Variants in SETD1A observed in about 807,000 individuals in gnomAD.
SETD1A encodes histone-lysine N-methyltransferase SETD1A.
A neutral mutation model predicts 149.9 loss-of-function variants in SETD1A; 29 were observed. That is an observed-to-expected ratio of 0.19 (90% confidence interval 0.14 to 0.26). SETD1A has a LOEUF of 0.26. Among genes scored for constraint, SETD1A ranks in the 10% least tolerant of loss-of-function variants. The pLI is 1.00. For synonymous variants in SETD1A, 1,141 were observed against 968.5 expected, an observed-to-expected ratio of 1.18 and a Z score of -3.31; for missense variants, 2,109 against 2,353.1, an observed-to-expected ratio of 0.90 and a Z score of 2.15.
Position 30,969,340 on chromosome 16 carries a change from C to T in SETD1A, c.2806C>T (p.Arg936Cys), listed in dbSNP as rs542231802. The T allele has an allele frequency of 1.1e-5, 18 of 1,614,160 alleles. No individual in the cohort carries two copies. In the East Asian group the frequency reaches 1.8e-4, roughly 16 times the overall value. ...EQEKEAGEPG[R>C]PGTKPPKRDE... ...AGAGAAGGAGGCTGGAGAGCCAGGA[C>T]GTCCGGGGACCAAGCCCCCGAAGCG... is the stretch of plus-strand genomic sequence containing the variant. The change falls in exon 11 of 19, where the codon CGT becomes TGT. Residue 936 changes from arginine to cysteine, a missense_variant. This residue lies in a region of SETD1A where 832 missense variants were observed against 815.6 expected (regional missense o/e 1.02). Coordinates refer to ENST00000262519, the MANE Select transcript of SETD1A (RefSeq NM_014712.3).
chr16:30,964,526 A>G (rs2056106686), intron 6 of SETD1A, 86 bp from the exon 7 acceptor site: 2 of 1,549,840 alleles, frequency 1.3e-6, no homozygotes, highest in South Asian at 2.5e-5. Context: ...AGGGCAGCAT[A>G]GAGGGGCTTT....
rs570770215 is a variant in SETD1A at position 30,979,635 on chromosome 16, G to A, written c.3849G>A (p.Ser1283=). ...AVEDSEATET[S]DEAERPRPLL... ...AAGACTCAGAGGCCACAGAGACATC[G>A]GACGAGGCCGAGCGCCCTAGGCCCC... The change falls in exon 14 of 19, where the codon TCG becomes TCA. Residue 1283 remains serine (S), a synonymous_variant. Transcript: ENST00000262519. 9.3e-6 allele frequency: 15 copies of A among 1,610,468 alleles called. No homozygotes were observed. Among genetic ancestry groups the A allele is most frequent in the South Asian group, 7.7e-5 (7 of 91,080 alleles).
intron 17 of SETD1A, among the ~76,000 whole-genome samples, chr16:30,982,555 G>A (rs2056393353): frequency 6.6e-6 from 1 of 152,054 alleles, no homozygotes; most frequent in African/African-American, 2.4e-5. Context: ...CGTGTGGCTG[G>A]AGGGAACAGA....
At position 30,971,466 on chromosome 16, in the gene SETD1A, C is replaced by T. The variant is rs1410609544; in HGVS notation, c.3105C>T (p.Ser1035=). ...ATGACAGCACATCAGACTCCGAGAGCAGCAGCTCTTCCAGCTCCTCATCCT... is the reference window on the plus strand; with the variant it reads ...ATGACAGCACATCAGACTCCGAGAGTAGCAGCTCTTCCAGCTCCTCATCCT... ...GENDSTSDSE[S]SSSSSSSSSS... Residue 1035 remains serine, a synonymous_variant, in exon 13 of 19, where the codon AGC becomes AGT. Transcript: ENST00000262519. 2 of 1,614,044 alleles carry T rather than the reference C, an allele frequency of 1.2e-6. No homozygotes were observed. The highest frequency in any genetic ancestry group is 1.7e-5 in the Admixed American group (1 of 60,020).
Position 30,964,102 on chromosome 16 carries a change from C to T in SETD1A, c.648C>T (p.Ser216=). ...CTGCTCTGTCGCTCTAGGCCGAATCCCGCCGCCGCTCTTCCTCTGACACAG... is the reference window on the plus strand; with the variant it reads ...CTGCTCTGTCGCTCTAGGCCGAATCTCGCCGCCGCTCTTCCTCTGACACAG... The part of the protein sequence containing the change: ...GSGAATETAE[S]RRRSSSDTAA... The change falls in exon 6 of 19, where the codon TCC becomes TCT. Residue 216 remains serine, a synonymous_variant. Coordinates refer to ENST00000262519, the MANE Select transcript of SETD1A (RefSeq NM_014712.3). The T allele has an allele frequency of 3.7e-6, 6 of 1,612,624 alleles. No homozygotes were observed. The highest frequency in any genetic ancestry group is 5.1e-6 in the Non-Finnish European group (6 of 1,179,818).
intron 13 of SETD1A, among the ~76,000 whole-genome samples, chr16:30,975,365 T>A (rs986948739): frequency 6.6e-6 from 1 of 151,656 alleles, no homozygotes; most frequent in African/African-American, 2.4e-5. Context: ...TACCTATGTG[T>A]GCCAGGCTCT....
chr16:30,963,702 G>A (rs2056087893), intron 5 of SETD1A, 148 bp downstream of exon 5: 2 of 898,880 alleles, frequency 2.2e-6, no homozygotes, highest in Admixed American at 3.2e-5. Context: ...CAAAAGACAG[G>A]GAACTAGGGG....
In SETD1A at chr16:30,965,430, G is replaced by A. The variant is rs1168263887; in HGVS notation, c.1688G>A (p.Arg563Gln). 1.7e-5 allele frequency: 27 copies of A among 1,601,588 alleles called. No homozygotes were observed. The highest frequency in any genetic ancestry group is 5.4e-5 in the African/African-American group (4 of 74,292). The change falls in exon 7 of 19, where the codon CGG (arginine) becomes CAG (glutamine). Residue 563 changes from arginine (R) to glutamine (Q), a missense_variant. Physicochemically the swap from Arg to Gln is conservative, Grantham distance 43. This residue lies in a region of SETD1A where 431 missense variants were observed against 388.6 expected (regional missense o/e 1.11). Coordinates refer to ENST00000262519, the MANE Select transcript of SETD1A (RefSeq NM_014712.3). ...PTGSGEPGAT[R>Q]ESPKANGQNQ... ...GGGAGCGGGGAGCCAGGGGCTACCC[G>A]GGAGTCTCCCAAGGCAAATGGACAG... is the stretch of plus-strand genomic sequence containing the variant.
Position 30,964,947 on chromosome 16 carries a change from C to T in SETD1A, c.1205C>T (p.Ala402Val). ...GGAGCCCCTTTTGCTGAAAATACAG[C>T]TGAGCGCTTCCCACCTTCTTACACC... The part of the protein sequence containing the change: ...PPGAPFAENT[A>V]ERFPPSYTSY... The change falls in exon 7 of 19, where the codon GCT (alanine) becomes GTT (valine). Residue 402 changes from alanine (A) to valine (V), a missense_variant. By Grantham distance (64) the Ala-to-Val change is moderately conservative (BLOSUM62 0). Coordinates refer to ENST00000262519, the MANE Select transcript of SETD1A (RefSeq NM_014712.3). 3 of 1,614,112 alleles carry T rather than the reference C, an allele frequency of 1.9e-6. No homozygotes were observed. In the Admixed American group the frequency reaches 5.0e-5, roughly 27 times the overall value.
At position 30,966,112 on chromosome 16, in the gene SETD1A, C is replaced by T; in HGVS notation, c.2231C>T (p.Ser744Leu). ...AQGQEGRGAY[S>L]REAYHLPMPM... ...GGGCAGGAGGGCAGAGGGGCATACT[C>T]ACGGGAGGCCTACCACCTGCCCATG... Residue 744 changes from serine (S) to leucine (L), a missense_variant, in exon 8 of 19, where the codon TCA becomes TTA. Coordinates refer to ENST00000262519, the MANE Select transcript of SETD1A (RefSeq NM_014712.3). 1 of 1,598,978 alleles carries T rather than the reference C, an allele frequency of 6.3e-7. No homozygotes were observed.
intron 3 of SETD1A, 113 bp downstream of exon 3, chr16:30,959,299 G>C: frequency 1.3e-6 from 1 of 773,018 alleles, no homozygotes; most frequent in Non-Finnish European, 2.3e-6. Context: ...GCCAGATCTA[G>C]CAACCTCTGA....
chr16:30,970,141 G>A, intron 12 of SETD1A, among the ~76,000 whole-genome samples: 1 of 151,040 alleles, frequency 6.6e-6, no homozygotes, highest in East Asian at 1.9e-4. Context: ...CTAATTTTTT[G>A]TATTTTTAGT....
At position 30,961,312 on chromosome 16, in the gene SETD1A, T is replaced by C; in HGVS notation, c.292T>C (p.Phe98Leu). ...ACAGATTCCACTGAAGGAAGTGACT[T>C]TTGCAAGGCTGAATGACAACGTGCG... ...IGQIPLKEVT[F>L]ARLNDNVRET... Residue 98 changes from phenylalanine to leucine, a missense_variant, in exon 4 of 19, where the codon TTT (phenylalanine) becomes CTT (leucine). Around this residue, in one of 8 missense-constraint regions of SETD1A, gnomAD observed 62 missense variants for 149.5 expected, o/e 0.41. Transcript: ENST00000262519. The surrounding 1 kb of genome is among the most constrained non-coding windows in gnomAD (Gnocchi z 4.0). The C allele has an allele frequency of 6.2e-7, 1 of 1,614,122 alleles. No homozygotes were observed. Among genetic ancestry groups the C allele is most frequent in the Non-Finnish European group, 8.5e-7 (1 of 1,180,016 alleles).
intron 12 of SETD1A, among the ~76,000 whole-genome samples, chr16:30,970,108 C>T (rs1177745435): frequency 2.6e-5 from 4 of 151,758 alleles, no homozygotes; most frequent in Admixed American, 1.3e-4. Flanking sequence ...GCTGGGATTA[C>T]AGGCACCCAC....
In SETD1A at chr16:30,979,603, G is replaced by C. The variant is rs1212661475; in HGVS notation, c.3817G>C (p.Ala1273Pro). Residue 1273 changes from alanine to proline, a missense_variant, in exon 14 of 19, where the codon GCT becomes CCT. Transcript: ENST00000262519. Reference protein sequence around the residue: ...PARRGLPALPAVEDSEATETS... With the variant: ...PARRGLPALPPVEDSEATETS... ...CCGGCGCGGGCTGCCTGCCCTGCCT[G>C]CTGTTGAAGACTCAGAGGCCACAGA... 1 of 1,610,942 alleles carries C rather than the reference G, an allele frequency of 6.2e-7. No individual in the cohort carries two copies. Among genetic ancestry groups the C allele is most frequent in the East Asian group, 2.2e-5 (1 of 44,860 alleles).
Position 30,969,470 on chromosome 16 carries a change from C to A in SETD1A, c.2928+8C>A, listed in dbSNP as rs760587489. 3.3e-5 allele frequency: 53 copies of A among 1,604,818 alleles called. No homozygotes were observed. The highest frequency in any genetic ancestry group is 4.2e-5 in the Non-Finnish European group (49 of 1,175,226). Reference sequence around the variant, plus strand: ...GAGTCCTCCTCGGAGAAGGTGAGGGCCCGGGCGCCGGCTCCTGGCCGAAGC... The same window carrying A: ...GAGTCCTCCTCGGAGAAGGTGAGGGACCGGGCGCCGGCTCCTGGCCGAAGC... On this transcript the variant is annotated splice_region_variant and intron_variant, in intron 11 of 18. Coordinates refer to ENST00000262519, the MANE Select transcript of SETD1A (RefSeq NM_014712.3).
Position 30,980,920 on chromosome 16 carries a change from C to T in SETD1A, c.4692+71C>T. On this transcript the variant is annotated intron_variant, in intron 16 of 18. Coordinates refer to ENST00000262519, the MANE Select transcript of SETD1A (RefSeq NM_014712.3). This position sits in a 1 kb window ranked among gnomAD's most constrained non-coding sequence, Gnocchi z 7.7. ...GGAAGGGGCAGAGGCCAGGGGACCA[C>T]CCAGCAGGCTCCTGTGGTTCCCTCG... The T allele has an allele frequency of 6.4e-7, 1 of 1,561,792 alleles. No individual in the cohort carries two copies. The highest frequency in any genetic ancestry group is 2.2e-5 in the East Asian group (1 of 44,480).
chr16:30,958,910 C>T (rs368068798), intron 2 of SETD1A, 29 bp downstream of exon 2: 177 of 1,612,592 alleles, frequency 1.1e-4, no homozygotes, highest in Admixed American at 1.8e-4. Context: ...GGTTGCCATC[C>T]GGGGAGCTCC....
Position 30,981,172 on chromosome 16 carries a change from A to G in SETD1A, c.4804A>G (p.Ile1602Val), listed in dbSNP as rs762464667. ...GGTCATCGAATACGTGGGTCAGAAC[A>G]TCCGTCAGGTGAGGCTGCACTCCCA... is the stretch of plus-strand genomic sequence containing the variant. ...EMVIEYVGQN[I>V]RQMVADMREK... Residue 1602 changes from isoleucine to valine, a missense_variant, in exon 17 of 19, where the codon ATC becomes GTC. Physicochemically the swap from Ile to Val is conservative, Grantham distance 29 (BLOSUM62 3). Around this residue, in one of 8 missense-constraint regions of SETD1A, gnomAD observed 254 missense variants for 409.3 expected, o/e 0.62. Coordinates refer to ENST00000262519, the MANE Select transcript of SETD1A (RefSeq NM_014712.3). 9.3e-6 allele frequency: 15 copies of G among 1,614,084 alleles called. No individual in the cohort carries two copies. Among genetic ancestry groups the G allele is most frequent in the Middle Eastern group, 1.6e-4 (1 of 6,062 alleles).
Sources: gnomAD v4.1 joint callset for allele counts (sites outside exome capture counted in the v4.1 genomes callset) on GRCh38, gnomAD v4.1.1 for gene constraint, gnomAD v4.1.1 regional missense constraint, Gnocchi (gnomAD v3.1) non-coding constraint, MANE v1.5 for transcripts, NCBI Gene and HGNC (gene_info 2026-07-23, HGNC 2026-07-21) for gene names.